AURKA: variants seen among roughly 807,000 people sequenced by gnomAD.
AURKA encodes aurora kinase A.
In AURKA, 12 loss-of-function variants were observed where a neutral mutation model predicts 40.9. The ratio of observed to expected loss-of-function variants is 0.29; its 90% CI spans 0.19 to 0.48. AURKA has a LOEUF of 0.48. Ranked by LOEUF, AURKA falls within the 20% of genes least tolerant of loss-of-function variation. The pLI is 0.99. For synonymous variants in AURKA, 170 were observed against 164.3 expected (o/e 1.03, Z -0.26); for missense variants, 322 against 462.1 (o/e 0.70, Z 2.78).
intron 6 of AURKA, among the ~76,000 whole-genome samples, chr20:56,374,706 G>C (rs1202630145): frequency 6.6e-6 from 1 of 151,872 alleles, no homozygotes; most frequent in Non-Finnish European, 1.5e-5. Flanking sequence ...AACGTGCTAG[G>C]ATTACAGACA....
At chr20:56,388,240 C>A in intron 1 of AURKA, 38 bp from the exon 2 acceptor site, 1 of 1,065,900 alleles carries the variant, frequency 9.4e-7, no homozygotes, top group South Asian at 2.2e-5. Context: ...TTGAACAAAG[C>A]CACCTGCTTA....
At chr20:56,377,785 CA>C (rs758246507) in intron 6 of AURKA, among the ~76,000 whole-genome samples, 49 of 139,308 alleles carry the variant, frequency 3.5e-4, no homozygotes, top group Non-Finnish European at 3.6e-4. Context: ...GACTCCGTCT[CA>C]AAAAAAAAAA....
rs1986623405 is a variant in AURKA at position 56,388,221 on chromosome 20, AC to A, written c.-5-20del. ...ATGATGCCTGAAAAGAAAAAGAAGA[AC>A]CTTTAATTTGAACAAAGCCACCTGC... On this transcript the variant is annotated intron_variant, in intron 1 of 8. Transcript: ENST00000395915. 1.2e-6 allele frequency: 2 copies of A among 1,613,388 alleles called. No individual in the cohort carries two copies. Among genetic ancestry groups the A allele is most frequent in the South Asian group, 1.1e-5 (1 of 91,066 alleles).
intron 2 of AURKA, among the ~76,000 whole-genome samples, chr20:56,387,838 C>G (rs149010537): frequency 5.7e-4 from 87 of 152,256 alleles, no homozygotes; most frequent in African/African-American, 2.0e-3. Flanking sequence ...TTCAAGGTAG[C>G]CTTTTTCTAA....
chr20:56,380,517 A>T (rs1010773566), intron 6 of AURKA, among the ~76,000 whole-genome samples: 101 of 152,348 alleles, frequency 6.6e-4, no homozygotes, highest in African/African-American at 2.4e-3. Flanking sequence ...ATAAGGGAGA[A>T]CAGCCTTATC....
chr20:56,391,230 G>A (rs1388990329), intron 1 of AURKA, among the ~76,000 whole-genome samples: 1 of 152,226 alleles, frequency 6.6e-6, no homozygotes, highest in Non-Finnish European at 1.5e-5. Flanking sequence ...CAGAGATGAA[G>A]GGAAGGACGA....
At position 56,383,216 on chromosome 20, in the gene AURKA, A is replaced by C. The variant is rs772847767; in HGVS notation, c.375-40T>G. ...AACACTTTAGAATGTGAAGAAAACA[A>C]AGCTTTTCTAACAAATTTTCAATGA... On this transcript the variant is annotated intron_variant, in intron 4 of 8. Transcript: ENST00000395915. 1.9e-6 allele frequency: 3 copies of C among 1,604,384 alleles called. 1 individual carries two copies. In the South Asian group the frequency reaches 3.3e-5, roughly 18 times the overall value.
intron 7 of AURKA, among the ~76,000 whole-genome samples, chr20:56,371,272 C>T (rs1402649991): frequency 2.0e-5 from 3 of 152,076 alleles, no homozygotes; most frequent in African/African-American, 7.2e-5. Context: ...ACCATCCTGG[C>T]TAACATGGTG....
rs1172047718 is a variant in AURKA, at chr20:56,370,526, C to G, written c.988G>C (p.Glu330Gln). ...TAGGTCTCTTGGTATGTGTTTGCCTCAAAAGGAGGCTTCCCAACTAAAAAT... is the reference window on the plus strand; with the variant it reads ...TAGGTCTCTTGGTATGTGTTTGCCTGAAAAGGAGGCTTCCCAACTAAAAAT... ...YEFLVGKPPFEANTYQETYKR... is the reference protein window; with the variant it reads ...YEFLVGKPPFQANTYQETYKR... Residue 330 changes from glutamate (E) to glutamine (Q), a missense_variant, in exon 8 of 9, where the codon GAG (glutamate) becomes CAG (glutamine). Glu to Gln is a conservative substitution (Grantham distance 29). Transcript: ENST00000395915. 3 of 1,614,134 alleles carry G rather than the reference C, an allele frequency of 1.9e-6. No individual in the cohort carries two copies. Among genetic ancestry groups the G allele is most frequent in the South Asian group, 2.2e-5 (2 of 91,080 alleles).
intron 1 of AURKA, among the ~76,000 whole-genome samples, chr20:56,391,762 C>A (rs753929315): frequency 6.6e-6 from 1 of 152,128 alleles, no homozygotes; most frequent in Non-Finnish European, 1.5e-5. Flanking sequence ...GTAACACCCA[C>A]CCCAGCTGCA....
intron 4 of AURKA, 27 bp downstream of exon 4, chr20:56,384,243 C>G (rs757305696): frequency 6.4e-7 from 1 of 1,569,350 alleles, no homozygotes; most frequent in Non-Finnish European, 8.8e-7. Flanking sequence ...TAGAACAGTA[C>G]AGAACTTTGT....
At chr20:56,389,819 C>G (rs1986835891) in intron 1 of AURKA, among the ~76,000 whole-genome samples, 1 of 152,230 alleles carries the variant, frequency 6.6e-6, no homozygotes, top group Non-Finnish European at 1.5e-5. Flanking sequence ...GAGGTTCTCT[C>G]TCGCAAACCC....
chr20:56,386,570 T>C lies in AURKA; in HGVS notation c.43-37A>G. ...GAGAAAATAAACTTTCTGGCATTCATGAAAGCAAAAGATGAATATATTGAG... is the reference window on the plus strand; with the variant it reads ...GAGAAAATAAACTTTCTGGCATTCACGAAAGCAAAAGATGAATATATTGAG... On this transcript the variant is annotated intron_variant, in intron 2 of 8. Coordinates refer to ENST00000395915, the MANE Select transcript of AURKA (RefSeq NM_198437.3). The C allele has an allele frequency of 3.1e-6, 5 of 1,612,188 alleles. No homozygotes were observed. In the Middle Eastern group the frequency reaches 8.3e-4, roughly 266 times the overall value.
At chr20:56,372,756 C>T (rs921265476) in intron 7 of AURKA, among the ~76,000 whole-genome samples, 3 of 152,136 alleles carry the variant, frequency 2.0e-5, no homozygotes, top group African/African-American at 7.2e-5. Context: ...AAATGCCCCA[C>T]TTCATGTGAA....
At chr20:56,372,847 T>G (rs906326677) in intron 7 of AURKA, among the ~76,000 whole-genome samples, 1 of 152,240 alleles carries the variant, frequency 6.6e-6, no homozygotes, top group African/African-American at 2.4e-5. Flanking sequence ...TGAATTGTTT[T>G]GAGACTGACA....
rs1984562820 is a variant in AURKA, at chr20:56,373,671, C to A, written c.706-115G>T. 2.3e-6 allele frequency: 3 copies of A among 1,276,998 alleles called. No individual in the cohort carries two copies. Among genetic ancestry groups the A allele is most frequent in the Non-Finnish European group, 3.3e-6 (3 of 905,492 alleles). The allele number at this position is 1,276,998 out of a possible 1,614,324, so 79.1% of individuals were successfully genotyped here. A position where few individuals can be genotyped will look rare whatever the true frequency, so the allele number is the denominator to read the frequency against. Reference sequence around the variant, plus strand: ...ATTTAACATGGTTTGCAGGTTTTGGCCAGGCACAGTGGCTCACACCTATAA... The same window carrying A: ...ATTTAACATGGTTTGCAGGTTTTGGACAGGCACAGTGGCTCACACCTATAA... On this transcript the variant is annotated intron_variant, in intron 6 of 8. Coordinates refer to ENST00000395915, the MANE Select transcript of AURKA (RefSeq NM_198437.3). This position sits in a 1 kb window ranked among gnomAD's most constrained non-coding sequence, Gnocchi z 5.0.
At chr20:56,377,165 C>T (rs1419590603) in intron 6 of AURKA, among the ~76,000 whole-genome samples, 1 of 152,172 alleles carries the variant, frequency 6.6e-6, no homozygotes, top group Non-Finnish European at 1.5e-5. Context: ...TGGTACCCAC[C>T]TGTAGTCTCA....
At chr20:56,388,301 C>G (rs956143779) in intron 1 of AURKA, 99 bp from the exon 2 acceptor site, 5 of 983,586 alleles carry the variant, frequency 5.1e-6, no homozygotes, top group African/African-American at 4.8e-5. Flanking sequence ...CAAAAGGCCT[C>G]CACAACACAC....
rs1189539104 is a variant in AURKA, at chr20:56,369,459, A to C, written c.*699T>G. The stretch of plus-strand genomic sequence containing the variant: ...GCTATGACTCCAATGTTTTAAAAAA[A>C]TAAGCCCTTAACAGCTCTGAGACAC... On this transcript the variant is annotated 3_prime_UTR_variant, in exon 9 of 9. Transcript: ENST00000395915. The C allele has an allele frequency of 4.2e-6, 1 of 235,868 alleles. No individual in the cohort carries two copies. The highest frequency in any genetic ancestry group is 8.4e-6 in the Non-Finnish European group (1 of 119,692). The allele number at this position is 235,868 out of a possible 1,614,324, so 14.6% of individuals were successfully genotyped here. A position where few individuals can be genotyped will look rare whatever the true frequency, so the allele number is the denominator to read the frequency against.
Sources: gnomAD v4.1 joint callset for allele counts (sites outside exome capture counted in the v4.1 genomes callset) on GRCh38, gnomAD v4.1.1 for gene constraint, Gnocchi (gnomAD v3.1) non-coding constraint, MANE v1.5 for transcripts, NCBI Gene and HGNC (gene_info 2026-07-23, HGNC 2026-07-21) for gene names.